L3MBTL3: variants seen among roughly 807,000 people sequenced by gnomAD.
L3MBTL3 encodes the protein lethal(3)malignant brain tumor-like protein 3.
L3MBTL3 carries 27 observed loss-of-function variants against 102.3 expected under a neutral mutation model. The observed-to-expected ratio is 0.26, with a 90% CI of 0.19 to 0.36. L3MBTL3 has a LOEUF of 0.36. L3MBTL3 is among the 10% of genes least tolerant of loss of function. L3MBTL3 has a pLI of 1.00. For synonymous variants in L3MBTL3, 340 were observed against 320.9 expected (o/e 1.06, Z -0.64); for missense variants, 798 against 955.3 (o/e 0.84, Z 2.17).
intron 13 of L3MBTL3, among the ~76,000 whole-genome samples, chr6:130,074,314 G>C (rs1782818525): frequency 6.6e-6 from 1 of 152,138 alleles, no homozygotes; most frequent in African/African-American, 2.4e-5. Flanking sequence ...GACTGAAAAA[G>C]TAGCTTTCTA....
At chr6:130,109,138 G>A (rs548862212) in intron 19 of L3MBTL3, among the ~76,000 whole-genome samples, 11 of 152,234 alleles carry the variant, frequency 7.2e-5, no homozygotes, top group African/African-American at 2.6e-4. Context: ...CCAAGTCTTT[G>A]CTATTGTAAA....
chr6:130,089,333 C>T (rs772659768), intron 16 of L3MBTL3, among the ~76,000 whole-genome samples: 3 of 149,858 alleles, frequency 2.0e-5, no homozygotes, highest in Non-Finnish European at 4.4e-5. Flanking sequence ...TTTCTGTCTT[C>T]GTGATAGTTT....
chr6:130,061,082 CT>C (rs146750598), intron 10 of L3MBTL3, among the ~76,000 whole-genome samples: 7,890 of 114,088 alleles, frequency 0.069, 233 homozygotes, highest in Non-Finnish European at 0.11. Flanking sequence ...TCTGTTAGCT[CT>C]TTTTTTTTTT....
intron 19 of L3MBTL3, among the ~76,000 whole-genome samples, chr6:130,105,411 A>T (rs1784925262): frequency 6.6e-6 from 1 of 152,130 alleles, no homozygotes; most frequent in African/African-American, 2.4e-5. Flanking sequence ...GACACCTACA[A>T]CTTCTTCTGG....
rs1784330546 is a variant in L3MBTL3 at position 130,095,831 on chromosome 6, A to C, written c.1736+1464A>C. Among the ~76,000 whole-genome samples, 3 of 152,170 alleles carry C rather than the reference A, an allele frequency of 2.0e-5. No homozygotes were observed. In the South Asian group the frequency reaches 6.2e-4, roughly 32 times the overall value. On this transcript the variant is annotated intron_variant, in intron 18 of 22. Transcript: ENST00000361794. ...TGCTTTTATAACAACCGCTCCCATG[A>C]TAACAAACCCACTTCTGCGATAATG...
intron 8 of L3MBTL3, among the ~76,000 whole-genome samples, chr6:130,055,483 C>CCTCCCTCT (rs1781411850): frequency 7.0e-6 from 1 of 143,696 alleles, no homozygotes; most frequent in Non-Finnish European, 1.5e-5. Flanking sequence ...TCCCTCTCTC[C>CCTCCCTCT]CTCCCTCTCT....
chr6:130,084,467 G>C (rs1310117142), intron 15 of L3MBTL3, among the ~76,000 whole-genome samples: 1 of 151,884 alleles, frequency 6.6e-6, no homozygotes, highest in Non-Finnish European at 1.5e-5. Flanking sequence ...TTAATTATGA[G>C]GTATAGGTCC....
At chr6:130,069,425 G>A (rs765515282) in intron 12 of L3MBTL3, among the ~76,000 whole-genome samples, 2 of 152,220 alleles carry the variant, frequency 1.3e-5, no homozygotes, top group Admixed American at 6.5e-5. Context: ...TGGCTGAAAT[G>A]TTTTCTGATT....
intron 19 of L3MBTL3, among the ~76,000 whole-genome samples, chr6:130,104,951 G>A (rs546775377): frequency 1.2e-4 from 19 of 152,228 alleles, no homozygotes; most frequent in East Asian, 1.2e-3. Context: ...GTGAAGAATG[G>A]ACATTATTTC....
intron 10 of L3MBTL3, among the ~76,000 whole-genome samples, chr6:130,066,104 CT>C (rs988580026): frequency 3.3e-5 from 5 of 152,092 alleles, no homozygotes; most frequent in African/African-American, 9.7e-5. Context: ...GCTTTGCCCC[CT>C]ATCCGTGTGG....
At chr6:130,073,124 T>C (rs1339962521) in intron 13 of L3MBTL3, among the ~76,000 whole-genome samples, 2 of 152,186 alleles carry the variant, frequency 1.3e-5, no homozygotes, top group Non-Finnish European at 2.9e-5. Context: ...CTTAAAATTG[T>C]TGGGCCTGCA....
intron 11 of L3MBTL3, among the ~76,000 whole-genome samples, chr6:130,068,057 T>A (rs1263054110): frequency 6.6e-6 from 1 of 152,202 alleles, no homozygotes; most frequent in Non-Finnish European, 1.5e-5. Context: ...ACAAATACCC[T>A]GATAATAAGT....
rs925040293 is a variant in L3MBTL3, at chr6:130,040,059, G to A, written c.-15-2626G>A. 3.3e-5 allele frequency among the ~76,000 whole-genome samples: 5 copies of A among 152,252 alleles called. No homozygotes were observed. The South Asian group carries it at 1.0e-3, about 32-fold the overall frequency. On this transcript the variant is annotated intron_variant, in intron 2 of 22. Transcript: ENST00000361794. ...AAATCTGTTGGGGCTAGGTGCAGTGGCTCATGCCTGTAATCCCAGCACTTT... is the reference window on the plus strand; with the variant it reads ...AAATCTGTTGGGGCTAGGTGCAGTGACTCATGCCTGTAATCCCAGCACTTT...
intron 3 of L3MBTL3, among the ~76,000 whole-genome samples, chr6:130,045,083 A>T (rs1034616132): frequency 1.3e-5 from 2 of 152,174 alleles, no homozygotes; most frequent in Admixed American, 6.5e-5. Context: ...CTTTTCCTGT[A>T]AAATCCCCAT....
At chr6:130,042,618 G>T (rs1780494438) in intron 2 of L3MBTL3, 67 bp from the exon 3 acceptor site, 1 of 895,894 alleles carries the variant, frequency 1.1e-6, no homozygotes, top group Non-Finnish European at 1.9e-6. Flanking sequence ...CTGAACTAAC[G>T]AGTACTAAAT....
intron 19 of L3MBTL3, among the ~76,000 whole-genome samples, chr6:130,114,606 C>A (rs549879852): frequency 6.6e-6 from 1 of 152,038 alleles, no homozygotes; most frequent in African/African-American, 2.4e-5. Context: ...TTATTGTATT[C>A]TTTCACTAGC....
chr6:130,059,258 T>A (rs781613006), intron 9 of L3MBTL3, among the ~76,000 whole-genome samples: 4 of 152,218 alleles, frequency 2.6e-5, no homozygotes, highest in Non-Finnish European at 4.4e-5. Flanking sequence ...CCTGGAAAAT[T>A]ATATGTTCAT....
At chr6:130,119,193 G>A (rs1016160577) in intron 19 of L3MBTL3, among the ~76,000 whole-genome samples, 3 of 151,950 alleles carry the variant, frequency 2.0e-5, no homozygotes, top group Admixed American at 6.6e-5. Context: ...ACTCATCAGA[G>A]CTTCTAGAAA....
At position 130,053,760 on chromosome 6, in the gene L3MBTL3, C is replaced by T. The variant is rs188618735; in HGVS notation, c.582+769C>T. Among the ~76,000 whole-genome samples, 1,138 of 152,082 alleles carry T rather than the reference C, an allele frequency of 7.5e-3. 64 individuals are homozygous for T. The highest frequency in any genetic ancestry group is 0.069 in the Admixed American group (1,048 of 15,292). On this transcript the variant is annotated intron_variant, in intron 7 of 22. Coordinates refer to ENST00000361794, the MANE Select transcript of L3MBTL3 (RefSeq NM_032438.4). ...ATAAATATCATATTCCTAAAGGCAT[C>T]TATTAATGGTTTTATAGGAAAAGGG...
Sources: allele counts gnomAD v4.1 joint callset (sites outside exome capture counted in the v4.1 genomes callset), GRCh38; gene constraint gnomAD v4.1.1; transcripts MANE v1.5; gene names NCBI Gene and HGNC (gene_info 2026-07-23, HGNC 2026-07-21).